Variants in MFHAS1 observed in about 807,000 individuals in gnomAD.
MFHAS1 encodes malignant fibrous histiocytoma-amplified sequence 1.
A neutral mutation model predicts 70.4 loss-of-function variants in MFHAS1; 50 were observed. The ratio of observed to expected loss-of-function variants is 0.71; its 90% CI spans 0.57 to 0.90. MFHAS1 has a LOEUF of 0.90. MFHAS1 is among the 40% of genes least tolerant of loss of function. The pLI is 0.00. For synonymous variants in MFHAS1, 952 were observed against 620.0 expected, an observed-to-expected ratio of 1.54 and a Z score of -7.96; for missense variants, 1,795 against 1,347.6, an observed-to-expected ratio of 1.33 and a Z score of -5.20.
In MFHAS1 at chr8:8,893,068, C is replaced by T; in HGVS notation, c.-10G>A. On this transcript the variant is annotated 5_prime_UTR_variant, in exon 1 of 3. Transcript: ENST00000276282. ...TGTCCATCCCAGCCATGGCGGGGCCCCGGGCCGACAGCCTCACGCGGACGC... is the reference window on the plus strand; with the variant it reads ...TGTCCATCCCAGCCATGGCGGGGCCTCGGGCCGACAGCCTCACGCGGACGC... 2 of 1,475,546 alleles carry T rather than the reference C, an allele frequency of 1.4e-6. No homozygotes were observed. Among genetic ancestry groups the T allele is most frequent in the Non-Finnish European group, 8.9e-7 (1 of 1,121,906 alleles). The allele number at this position is 1,475,546 out of a possible 1,614,324, so 91.4% of individuals were successfully genotyped here.
At chr8:8,858,046 G>A (rs934939606) in intron 1 of MFHAS1, among the ~76,000 whole-genome samples, 1 of 152,226 alleles carries the variant, frequency 6.6e-6, no homozygotes, top group Non-Finnish European at 1.5e-5. Flanking sequence ...GGTGTTCACT[G>A]ATCTGGGTCA....
At chr8:8,840,582 C>T (rs4841054) in intron 1 of MFHAS1, among the ~76,000 whole-genome samples, 93,372 of 151,910 alleles carry the variant, frequency 0.61, 28,892 homozygotes, top group East Asian at 0.74. Context: ...TAATGACATA[C>T]CATCAAACTC....
At chr8:8,838,644 C>A (rs1054063331) in intron 1 of MFHAS1, among the ~76,000 whole-genome samples, 1 of 152,076 alleles carries the variant, frequency 6.6e-6, no homozygotes, top group South Asian at 2.1e-4. Context: ...AAAACCGTGT[C>A]TCTACTAAAA....
At chr8:8,886,841 G>C (rs1022016330) in intron 1 of MFHAS1, among the ~76,000 whole-genome samples, 2 of 152,130 alleles carry the variant, frequency 1.3e-5, no homozygotes, top group African/African-American at 2.4e-5. Flanking sequence ...AAAAGACAAA[G>C]GTGGCCAAGC....
rs568681196 is a variant in MFHAS1 at position 8,887,907 on chromosome 8, G to C, written c.2998+2154C>G. ...CCAGCCTCGCCCCTAACTCCTCAAA[G>C]TTCTTAGAAGATCTTTACTTGCTCA... On this transcript the variant is annotated intron_variant, in intron 1 of 2. Transcript: ENST00000276282. Among the ~76,000 whole-genome samples, 20 of 147,026 alleles carry C rather than the reference G, an allele frequency of 1.4e-4. 1 individual carries two copies. The South Asian group carries it at 4.2e-3, about 31-fold the overall frequency.
chr8:8,827,344 G>C (rs1807200780), intron 1 of MFHAS1, among the ~76,000 whole-genome samples: 2 of 152,210 alleles, frequency 1.3e-5, no homozygotes, highest in Admixed American at 6.5e-5. Context: ...TTAAATTCTA[G>C]TCTAAGGATA....
At chr8:8,805,355 G>A (rs1401692593) in intron 1 of MFHAS1, among the ~76,000 whole-genome samples, 2 of 152,188 alleles carry the variant, frequency 1.3e-5, no homozygotes, top group African/African-American at 2.4e-5. Context: ...GTAATCAGCT[G>A]ATTAACAGAT....
intron 1 of MFHAS1, among the ~76,000 whole-genome samples, chr8:8,840,720 G>T (rs1471048020): frequency 2.0e-5 from 3 of 152,148 alleles, no homozygotes; most frequent in Non-Finnish European, 4.4e-5. Flanking sequence ...TTGGTTCTTA[G>T]AATCCCTGTC....
chr8:8,827,493 T>C (rs1169126185), intron 1 of MFHAS1, among the ~76,000 whole-genome samples: 2 of 152,254 alleles, frequency 1.3e-5, no homozygotes, highest in African/African-American at 2.4e-5. Context: ...TATTTTCCTT[T>C]GCATTTTTAA....
intron 1 of MFHAS1, among the ~76,000 whole-genome samples, chr8:8,872,491 T>C (rs185837491): frequency 6.6e-6 from 1 of 152,344 alleles, no homozygotes; most frequent in East Asian, 1.9e-4. Flanking sequence ...ATCTGGCTTT[T>C]CTTTTTAGCT....
At chr8:8,804,188 C>A (rs980613395) in intron 1 of MFHAS1, among the ~76,000 whole-genome samples, 1 of 152,076 alleles carries the variant, frequency 6.6e-6, no homozygotes, top group Non-Finnish European at 1.5e-5. Flanking sequence ...ATGGTTCCAA[C>A]GACAGCTACA....
intron 1 of MFHAS1, among the ~76,000 whole-genome samples, 161 bp downstream of exon 1, chr8:8,889,897 CTTA>C (rs1051541050): frequency 6.6e-6 from 1 of 152,210 alleles, no homozygotes; most frequent in Non-Finnish European, 1.5e-5. Flanking sequence ...GGCTCAGGTA[CTTA>C]CTACCTTTTG....
intron 1 of MFHAS1, among the ~76,000 whole-genome samples, chr8:8,810,170 C>T (rs1012779385): frequency 6.6e-6 from 1 of 152,188 alleles, no homozygotes; most frequent in Non-Finnish European, 1.5e-5. Context: ...AGTTCGAGAC[C>T]AGCCTGGCCG....
intron 1 of MFHAS1, among the ~76,000 whole-genome samples, chr8:8,849,723 G>A (rs1808171123): frequency 6.6e-6 from 1 of 152,190 alleles, no homozygotes; most frequent in African/African-American, 2.4e-5. Context: ...TAAACTATTT[G>A]TCTAAACTTC....
intron 1 of MFHAS1, among the ~76,000 whole-genome samples, chr8:8,815,887 C>A (rs962002759): frequency 1.3e-5 from 2 of 152,168 alleles, no homozygotes; most frequent in African/African-American, 2.4e-5. Flanking sequence ...TAGAAACTCC[C>A]TCATTTGAAG....
At chr8:8,848,324 AC>A (rs1349777009) in intron 1 of MFHAS1, among the ~76,000 whole-genome samples, 4 of 152,052 alleles carry the variant, frequency 2.6e-5, no homozygotes, top group Non-Finnish European at 4.4e-5. Flanking sequence ...ACACCGCTGA[AC>A]CCGTGTTAGC....
At position 8,890,268 on chromosome 8, in the gene MFHAS1, G is replaced by A; in HGVS notation, c.2791C>T (p.Pro931Ser). 2.5e-6 allele frequency: 4 copies of A among 1,614,178 alleles called. No homozygotes were observed. Among genetic ancestry groups the A allele is most frequent in the Non-Finnish European group, 3.4e-6 (4 of 1,180,038 alleles). ...TCTGGCTGCAGGACTCCCCTGGCAG[G>A]TCTGTAACTCACAACCACAGGAACT... is the stretch of plus-strand genomic sequence containing the variant. ...GKVPVVVSYR[P>S]ARGVLQPDTL... Residue 931 changes from proline (P) to serine (S), a missense_variant, in exon 1 of 3, where the codon CCT becomes TCT. By Grantham distance (74) the Pro-to-Ser change is moderately conservative (BLOSUM62 -1). Coordinates refer to ENST00000276282, the MANE Select transcript of MFHAS1 (RefSeq NM_004225.3).
intron 2 of MFHAS1, among the ~76,000 whole-genome samples, chr8:8,797,133 G>A (rs1265198763): frequency 5.6e-5 from 8 of 142,088 alleles, no homozygotes; most frequent in African/African-American, 2.1e-4. Context: ...AAAATGTTCT[G>A]ACTTTATTAG....
At chr8:8,831,798 G>A (rs548747671) in intron 1 of MFHAS1, among the ~76,000 whole-genome samples, 32 of 151,978 alleles carry the variant, frequency 2.1e-4, no homozygotes, top group African/African-American at 7.7e-4. Flanking sequence ...TAGTAGAGAC[G>A]GGTTTCACCA....
Sources: gnomAD v4.1 joint callset for allele counts (sites outside exome capture counted in the v4.1 genomes callset) on GRCh38, gnomAD v4.1.1 for gene constraint, MANE v1.5 for transcripts, NCBI Gene and HGNC (gene_info 2026-07-23, HGNC 2026-07-21) for gene names.